The following GKAP1 variants were observed in gnomAD, a reference collection of about 807,000 sequenced individuals.
GKAP1 encodes the protein G kinase anchoring protein 1, also known as G kinase-anchoring protein 1.
In GKAP1, 31 loss-of-function variants were observed where a neutral mutation model predicts 56.7. The ratio of observed to expected loss-of-function variants is 0.55; its 90% CI spans 0.41 to 0.74. The LOEUF (loss-of-function observed/expected upper bound fraction) is 0.74, where lower values mean the gene tolerates loss of function less well. GKAP1 is among the 30% of genes least tolerant of loss of function. The pLI is 0.00. For synonymous variants in GKAP1, 151 were observed against 138.6 expected, an observed-to-expected ratio of 1.09 and a Z score of -0.63; for missense variants, 364 against 402.3, an observed-to-expected ratio of 0.90 and a Z score of 0.82.
At chr9:83,788,704 A>C in intron 4 of GKAP1, 26 bp from the exon 5 acceptor site, 1 of 1,465,874 alleles carries the variant, frequency 6.8e-7, no homozygotes, top group Non-Finnish European at 9.5e-7. Flanking sequence ...TTCACAATAA[A>C]CAGACAGTAT....
intron 3 of GKAP1, among the ~76,000 whole-genome samples, chr9:83,804,396 G>C (rs1332083585): frequency 8.4e-6 from 1 of 118,782 alleles, no homozygotes; most frequent in African/African-American, 3.5e-5. Flanking sequence ...GGAGGGAGGT[G>C]GGGGGGGTCA....
At chr9:83,749,251 G>A (rs1285982521) in intron 9 of GKAP1, 1 of 146,642 alleles carries the variant, frequency 6.8e-6, no homozygotes, top group Non-Finnish European at 1.5e-5. Context: ...TTTTGAGATG[G>A]AGTCTCACTC....
intron 12 of GKAP1, among the ~76,000 whole-genome samples, chr9:83,740,384 TAACA>T (rs1943187144): frequency 1.3e-5 from 2 of 152,084 alleles, no homozygotes; most frequent in African/African-American, 4.8e-5. Context: ...TAACATAACA[TAACA>T]TTTTCTGTTT....
intron 7 of GKAP1, among the ~76,000 whole-genome samples, chr9:83,773,244 C>T (rs1943792986): frequency 6.6e-6 from 1 of 152,138 alleles, no homozygotes; most frequent in Non-Finnish European, 1.5e-5. Context: ...ACCTCAAAAA[C>T]ATTATGCTAA....
intron 3 of GKAP1, among the ~76,000 whole-genome samples, chr9:83,802,832 A>C (rs1200166925): frequency 7.2e-6 from 1 of 139,562 alleles, no homozygotes; most frequent in Non-Finnish European, 1.5e-5. Flanking sequence ...TCTTCTCTTT[A>C]AAAAAAAAAA....
chr9:83,812,879 A>G (rs1445351481), intron 2 of GKAP1, among the ~76,000 whole-genome samples: 1 of 152,178 alleles, frequency 6.6e-6, no homozygotes, highest in Non-Finnish European at 1.5e-5. Context: ...GAAGACTAAT[A>G]TGTTGCATAC....
intron 9 of GKAP1, 50 bp downstream of exon 9, chr9:83,753,208 G>A (rs769899167): frequency 5.5e-6 from 6 of 1,093,478 alleles, no homozygotes; most frequent in Non-Finnish European, 6.8e-6. Context: ...AACAGAAAAC[G>A]TGAAAATTTA....
At position 83,774,339 on chromosome 9, in the gene GKAP1, C is replaced by T. The variant is rs145280566; in HGVS notation, c.586-5369G>A. Among the ~76,000 whole-genome samples the T allele has an allele frequency of 2.5e-3, 378 of 151,936 alleles. 5 individuals are homozygous for T. Among genetic ancestry groups the T allele is most frequent in the African/African-American group, 8.7e-3 (361 of 41,482 alleles). ...ATTGCAGGTCAGGCACGGTGGCTCACGCCTGTAGTCCCAGCACTTTGGGAG... is the reference window on the plus strand; with the variant it reads ...ATTGCAGGTCAGGCACGGTGGCTCATGCCTGTAGTCCCAGCACTTTGGGAG... On this transcript the variant is annotated intron_variant, in intron 7 of 12. Transcript: ENST00000376371.
chr9:83,779,502 C>CGT (rs1564201618), intron 7 of GKAP1, among the ~76,000 whole-genome samples: 2 of 118,022 alleles, frequency 1.7e-5, no homozygotes, highest in South Asian at 2.8e-4. Flanking sequence ...CACATATACA[C>CGT]ATATATGTGT....
At chr9:83,786,746 A>C (rs75963769) in intron 5 of GKAP1, among the ~76,000 whole-genome samples, 2,566 of 152,320 alleles carry the variant, frequency 0.017, 66 homozygotes, top group African/African-American at 0.059. Context: ...CCCTTCTCTT[A>C]GTCATTATTG....
At chr9:83,775,326 T>C (rs1026869164) in intron 7 of GKAP1, among the ~76,000 whole-genome samples, 1 of 152,102 alleles carries the variant, frequency 6.6e-6, no homozygotes, top group Non-Finnish European at 1.5e-5. Context: ...TCTTGTATAT[T>C]CCCTGTCATC....
At position 83,753,156 on chromosome 9, in the gene GKAP1, A is replaced by C. The variant is rs1006630804; in HGVS notation, c.840+102T>G. 2.3e-5 allele frequency: 15 copies of C among 658,798 alleles called. No homozygotes were observed. In the South Asian group the frequency reaches 2.8e-4, roughly 12 times the overall value. 40.8% of individuals were successfully genotyped at this position (658,798 alleles called of 1,614,324 possible). On this transcript the variant is annotated intron_variant, in intron 9 of 12. Transcript: ENST00000376371. ...TAAGAACATAAAAAACAGAATGACT[A>C]TTCCCATGAATTGCATATTAAACAT...
intron 8 of GKAP1, among the ~76,000 whole-genome samples, chr9:83,759,031 C>T (rs185359814): frequency 5.9e-4 from 90 of 151,926 alleles, no homozygotes; most frequent in Admixed American, 5.8e-3. Flanking sequence ...ACTTCACATG[C>T]GCAAAAGAAT....
At chr9:83,808,269 G>T (rs1428928399) in intron 2 of GKAP1, among the ~76,000 whole-genome samples, 3 of 152,154 alleles carry the variant, frequency 2.0e-5, no homozygotes, top group Admixed American at 6.6e-5. Context: ...TGGAAAAGAT[G>T]AATTCTGCTT....
rs113337466 is a variant in GKAP1, at chr9:83,762,656, A to T, written c.738+6162T>A. On this transcript the variant is annotated intron_variant, in intron 8 of 12. Coordinates refer to ENST00000376371, the MANE Select transcript of GKAP1 (RefSeq NM_025211.4). Reference sequence around the variant, plus strand: ...GTTACCTGACTTCAAATTATACTACAGAGCTATAGTAACCAAATAACAAGG... The same window carrying T: ...GTTACCTGACTTCAAATTATACTACTGAGCTATAGTAACCAAATAACAAGG... 6.6e-5 allele frequency among the ~76,000 whole-genome samples: 10 copies of T among 152,300 alleles called. 1 individual carries two copies. Among genetic ancestry groups the T allele is most frequent in the African/African-American group, 2.4e-4 (10 of 41,552 alleles).
At chr9:83,767,716 C>T (rs2131266155) in intron 8 of GKAP1, among the ~76,000 whole-genome samples, 1 of 152,216 alleles carries the variant, frequency 6.6e-6, no homozygotes, top group African/African-American at 2.4e-5. Flanking sequence ...GAAACACAGT[C>T]TTGCTCTGTC....
rs77178822 is a variant in GKAP1, at chr9:83,772,373, A to G, written c.586-3403T>C. 6.4e-3 allele frequency among the ~76,000 whole-genome samples: 978 copies of G among 152,276 alleles called. 13 individuals are homozygous for G. The highest frequency in any genetic ancestry group is 0.017 in the Middle Eastern group (5 of 294). On this transcript the variant is annotated intron_variant, in intron 7 of 12. Coordinates refer to ENST00000376371, the MANE Select transcript of GKAP1 (RefSeq NM_025211.4). The stretch of plus-strand genomic sequence containing the variant: ...GATATAAGAGTGTTGTGCTGGGAGA[A>G]GTGTCTATGCATATGCCACAATTCA...
At chr9:83,782,827 C>A (rs1318075617) in intron 6 of GKAP1, among the ~76,000 whole-genome samples, 1 of 150,988 alleles carries the variant, frequency 6.6e-6, no homozygotes, top group Non-Finnish European at 1.5e-5. Flanking sequence ...CCACCACACG[C>A]CCACCTACTC....
chr9:83,784,685 T>G, intron 6 of GKAP1, 30 bp downstream of exon 6: 2 of 1,475,004 alleles, frequency 1.4e-6, no homozygotes, highest in Non-Finnish European at 9.1e-7. Context: ...GAATAGTTCT[T>G]TTAGCATAAT....
Sources: gnomAD v4.1 joint callset for allele counts (sites outside exome capture counted in the v4.1 genomes callset) on GRCh38, gnomAD v4.1.1 for gene constraint, MANE v1.5 for transcripts, NCBI Gene and HGNC (gene_info 2026-07-23, HGNC 2026-07-21) for gene names.